The following CDH8 variants were observed in gnomAD, a reference collection of about 807,000 sequenced individuals.
CDH8 encodes the protein cadherin 8.
CDH8 carries 17 observed loss-of-function variants against 68.1 expected under a neutral mutation model. That is an observed-to-expected ratio of 0.25 (90% confidence interval 0.17 to 0.37). The LOEUF (loss-of-function observed/expected upper bound fraction) is 0.37, where lower values mean the gene tolerates loss of function less well. Among genes scored for constraint, CDH8 ranks in the 10% least tolerant of loss-of-function variants. CDH8 has a pLI of 1.00. For missense variants in CDH8, 763 were observed against 999.3 expected (o/e 0.76, Z 3.19); for synonymous variants, 372 against 365.1 (o/e 1.02, Z -0.21).
At chr16:61,943,607 G>T (rs892491150) in intron 2 of CDH8, among the ~76,000 whole-genome samples, 5 of 152,116 alleles carry the variant, frequency 3.3e-5, no homozygotes. Flanking sequence ...TAAGAACTGG[G>T]TTTATTCAGA....
chr16:61,783,494 C>T (rs1399735275), intron 8 of CDH8, among the ~76,000 whole-genome samples: 2 of 151,784 alleles, frequency 1.3e-5, no homozygotes, highest in Non-Finnish European at 2.9e-5. Flanking sequence ...GAGAATGGAA[C>T]CAAGTTGGAA....
intron 3 of CDH8, among the ~76,000 whole-genome samples, chr16:61,898,921 T>C (rs1271468039): frequency 6.7e-6 from 1 of 149,812 alleles, no homozygotes; most frequent in Non-Finnish European, 1.5e-5. Context: ...ATTTTTTTTT[T>C]CTACCCAAAA....
chr16:61,857,352 G>T (rs575980485), intron 3 of CDH8, 114 bp from the exon 4 acceptor site: 19 of 935,622 alleles, frequency 2.0e-5, no homozygotes, highest in South Asian at 1.0e-4. Flanking sequence ...AAAAGGAAAA[G>T]AAATCTTTTT....
intron 2 of CDH8, among the ~76,000 whole-genome samples, chr16:61,997,319 T>C (rs572369986): frequency 3.4e-4 from 52 of 152,320 alleles, no homozygotes; most frequent in African/African-American, 1.2e-3. Flanking sequence ...TGTATCATTT[T>C]GCACATGCCA....
At chr16:61,820,385 C>T (rs1330207849) in intron 6 of CDH8, among the ~76,000 whole-genome samples, 1 of 133,768 alleles carries the variant, frequency 7.5e-6, no homozygotes, top group Non-Finnish European at 1.5e-5. Flanking sequence ...TGGGAAGCTT[C>T]AGTGTATTTG....
chr16:61,954,863 A>G (rs906173812), intron 2 of CDH8, among the ~76,000 whole-genome samples: 2 of 152,238 alleles, frequency 1.3e-5, no homozygotes, highest in African/African-American at 4.8e-5. Context: ...GGGAGAAGTG[A>G]AATATCTAAG....
chr16:62,032,505 T>C (rs1043552120), intron 1 of CDH8, among the ~76,000 whole-genome samples: 2 of 152,194 alleles, frequency 1.3e-5, no homozygotes, highest in Non-Finnish European at 2.9e-5. Context: ...CCAATAGCGC[T>C]GAAAACAAAA....
At chr16:61,663,125 C>T (rs910100047) in intron 10 of CDH8, among the ~76,000 whole-genome samples, 2 of 151,856 alleles carry the variant, frequency 1.3e-5, no homozygotes, top group African/African-American at 4.8e-5. Context: ...GTTTCCTTCT[C>T]CTTGGCTGAG....
chr16:62,004,352 T>A (rs1965939535), intron 2 of CDH8, among the ~76,000 whole-genome samples: 1 of 152,266 alleles, frequency 6.6e-6, no homozygotes, highest in Middle Eastern at 3.4e-3. Context: ...GAAGCCTCGC[T>A]TTGTCTAACT....
intron 3 of CDH8, among the ~76,000 whole-genome samples, chr16:61,889,834 A>T (rs1161058537): frequency 6.6e-5 from 10 of 152,192 alleles, no homozygotes; most frequent in Non-Finnish European, 2.9e-5. Flanking sequence ...ATCTGAGGGC[A>T]AAAAGAGGCA....
At chr16:61,734,531 A>G (rs1265552054) in intron 8 of CDH8, among the ~76,000 whole-genome samples, 3 of 152,046 alleles carry the variant, frequency 2.0e-5, no homozygotes, top group African/African-American at 7.2e-5. Context: ...TGTGAGAGGC[A>G]AGTCCTTCCA....
At chr16:61,889,705 T>G (rs983524181) in intron 3 of CDH8, among the ~76,000 whole-genome samples, 1 of 152,194 alleles carries the variant, frequency 6.6e-6, no homozygotes, top group Non-Finnish European at 1.5e-5. Context: ...ATTTATACTA[T>G]GGGTGTTCAT....
chr16:61,653,486 T>C lies in CDH8; in HGVS notation c.*122A>G. 6.7e-7 allele frequency: 1 copy of C among 1,484,924 alleles called. No homozygotes were observed. Among genetic ancestry groups the C allele is most frequent in the Non-Finnish European group, 8.9e-7 (1 of 1,118,916 alleles). The allele number at this position is 1,484,924 out of a possible 1,614,324, so 92.0% of individuals were successfully genotyped here. A position where few individuals can be genotyped will look rare whatever the true frequency, so the allele number is the denominator to read the frequency against. On this transcript the variant is annotated 3_prime_UTR_variant, in exon 12 of 12. Coordinates refer to ENST00000577390, the MANE Select transcript of CDH8 (RefSeq NM_001796.5). ...GGTTCAACATTAAAATGTGGTTGAG[T>C]TTATAGATGACTGGTGCTAAACTTG...
intron 7 of CDH8, among the ~76,000 whole-genome samples, chr16:61,814,592 G>A (rs1217848860): frequency 6.6e-6 from 1 of 152,180 alleles, no homozygotes; most frequent in Non-Finnish European, 1.5e-5. Flanking sequence ...CCTATTTCTT[G>A]CTGGATAGCA....
At chr16:61,972,246 G>A (rs1020337563) in intron 2 of CDH8, among the ~76,000 whole-genome samples, 9 of 152,186 alleles carry the variant, frequency 5.9e-5, no homozygotes, top group Admixed American at 1.3e-4. Context: ...GAGGCCTCCC[G>A]AGAAATGTGG....
intron 4 of CDH8, among the ~76,000 whole-genome samples, chr16:61,845,502 TAAAAAAAA>T (rs749345691): frequency 8.5e-6 from 1 of 117,726 alleles, no homozygotes; most frequent in South Asian, 2.7e-4. Context: ...TCCAGATATG[TAAAAAAAA>T]AAAAAAAAAA....
chr16:61,862,135 TCACACACA>T lies in CDH8; in HGVS notation c.548-4905_548-4898del, dbSNP rs3069990. ...AAAAGAAAACACACACAAACACCACTCACACACACACACACACACACACACACACACAC... is the reference window on the plus strand; with the variant it reads ...AAAAGAAAACACACACAAACACCACTCACACACACACACACACACACACAC... On this transcript the variant is annotated intron_variant, in intron 3 of 11. Coordinates refer to ENST00000577390, the MANE Select transcript of CDH8 (RefSeq NM_001796.5). Among the ~76,000 whole-genome samples, 267 of 146,316 alleles carry T rather than the reference TCACACACA, an allele frequency of 1.8e-3. 1 individual carries two copies. The highest frequency in any genetic ancestry group is 3.7e-3 in the East Asian group (18 of 4,886).
At chr16:61,766,902 C>A (rs1596947908) in intron 8 of CDH8, among the ~76,000 whole-genome samples, 1 of 151,856 alleles carries the variant, frequency 6.6e-6, no homozygotes, top group East Asian at 1.9e-4. Context: ...TTTATACTGG[C>A]TTTTTAAAAT....
intron 8 of CDH8, among the ~76,000 whole-genome samples, chr16:61,763,196 C>T (rs1192857656): frequency 6.6e-6 from 1 of 152,140 alleles, no homozygotes; most frequent in African/African-American, 2.4e-5. Context: ...CCCAGGCTTT[C>T]TTTGTCTATT....
Sources: gnomAD v4.1 joint callset for allele counts (sites outside exome capture counted in the v4.1 genomes callset) on GRCh38, gnomAD v4.1.1 for gene constraint, MANE v1.5 for transcripts, NCBI Gene and HGNC (gene_info 2026-07-23, HGNC 2026-07-21) for gene names.